The following MAPDA variants were observed in gnomAD, a reference collection of about 807,000 sequenced individuals.
The protein encoded by MAPDA is N6,N6-dimethyl-AMP deaminase.
the MAPDA span, among the ~76,000 whole-genome samples, chr15:43,350,373 C>T: frequency 1.4e-3 from 219 of 151,994 alleles, 6 homozygotes; most frequent in East Asian, 0.034. Context: ...TCACCATGCC[C>T]GGCCAATAGT....
the MAPDA span, chr15:43,330,728 A>G: frequency 6.8e-6 from 3 of 442,506 alleles, no homozygotes; most frequent in East Asian, 7.1e-5. Flanking sequence ...CGTGAGTTCC[A>G]TTTGTCCCAG....
chr15:43,336,687 G>C, the MAPDA span: 1 of 1,540,300 alleles, frequency 6.5e-7, no homozygotes, highest in Non-Finnish European at 8.7e-7. Context: ...TATTCTAATG[G>C]TAAGACATGA....
At chr15:43,348,209 A>T in the MAPDA span, among the ~76,000 whole-genome samples, 1 of 152,240 alleles carries the variant, frequency 6.6e-6, no homozygotes, top group African/African-American at 2.4e-5. Flanking sequence ...TGTGGTATGT[A>T]CATAGCCAGC....
At chr15:43,338,634 G>A in the MAPDA span, among the ~76,000 whole-genome samples, 1 of 152,166 alleles carries the variant, frequency 6.6e-6, no homozygotes, top group African/African-American at 2.4e-5. Context: ...TACTTTGTCT[G>A]GAAAAAGAAT....
the MAPDA span, among the ~76,000 whole-genome samples, chr15:43,343,548 T>C: frequency 7.9e-5 from 12 of 152,338 alleles, no homozygotes; most frequent in African/African-American, 2.9e-4. Flanking sequence ...CAGATCTCAA[T>C]TGGCTGTTAC....
the MAPDA span, chr15:43,330,370 C>A: frequency 6.2e-7 from 1 of 1,604,598 alleles, no homozygotes; most frequent in Non-Finnish European, 8.5e-7. Flanking sequence ...CCGGAACCAG[C>A]AACGCGGCAA....
At chr15:43,343,538 C>G in the MAPDA span, among the ~76,000 whole-genome samples, 5 of 152,172 alleles carry the variant, frequency 3.3e-5, no homozygotes, top group African/African-American at 1.2e-4. Context: ...TCTCATTATT[C>G]AGATCTCAAT....
chr15:43,334,896 C>A, the MAPDA span: 2 of 457,026 alleles, frequency 4.4e-6, no homozygotes, highest in Non-Finnish European at 7.7e-6. Flanking sequence ...TTAACAAAAT[C>A]CTGTTTCTTT....
the MAPDA span, chr15:43,349,291 C>G: frequency 8.3e-7 from 1 of 1,211,926 alleles, no homozygotes; most frequent in South Asian, 3.8e-5. Context: ...ATGCTTGGAA[C>G]TCAATAAGAA....
the MAPDA span, chr15:43,345,839 T>C: frequency 6.2e-7 from 1 of 1,613,924 alleles, no homozygotes; most frequent in Non-Finnish European, 8.5e-7. Context: ...CAACTCTGTC[T>C]TTCTTACATT....
the MAPDA span, chr15:43,335,288 G>A: frequency 4.6e-5 from 47 of 1,013,848 alleles, no homozygotes; most frequent in Non-Finnish European, 6.3e-5. Context: ...AAATTCTGGC[G>A]CTTTGGGAGG....
the MAPDA span, among the ~76,000 whole-genome samples, chr15:43,350,515 A>G: frequency 6.6e-6 from 1 of 152,020 alleles, no homozygotes; most frequent in Non-Finnish European, 1.5e-5. Context: ...GCTCTTTATA[A>G]TGCTCTCACA....
chr15:43,340,456 G>C, the MAPDA span: 50 of 880,518 alleles, frequency 5.7e-5, 2 homozygotes, highest in African/African-American at 8.5e-4. Flanking sequence ...TTATACTATT[G>C]TGTTGTTCTG....
chr15:43,351,831 T>G, the MAPDA span: 2 of 1,551,720 alleles, frequency 1.3e-6, no homozygotes, highest in South Asian at 2.4e-5. Context: ...TGACCCAGTC[T>G]CAGGTGTGGG....
the MAPDA span, among the ~76,000 whole-genome samples, chr15:43,342,530 C>CT: frequency 6.6e-6 from 1 of 151,336 alleles, no homozygotes; most frequent in East Asian, 1.9e-4. Flanking sequence ...GGGCGTGTCA[C>CT]TTTCAGCCCA....
chr15:43,340,192 G>A, the MAPDA span: 1 of 1,286,792 alleles, frequency 7.8e-7, no homozygotes, highest in Non-Finnish European at 1.1e-6. Context: ...AAATAAAGCT[G>A]TAGCACTTGG....
chr15:43,343,363 G>C, the MAPDA span, among the ~76,000 whole-genome samples: 1 of 152,160 alleles, frequency 6.6e-6, no homozygotes, highest in African/African-American at 2.4e-5. Flanking sequence ...TGATCTGGCT[G>C]CCTCTGTTAC....
At chr15:43,348,949 C>G in the MAPDA span, 1 of 1,614,156 alleles carries the variant, frequency 6.2e-7, no homozygotes, top group Non-Finnish European at 8.5e-7. Flanking sequence ...CCTGGATCTG[C>G]TTCCTGACAG....
the MAPDA span, among the ~76,000 whole-genome samples, chr15:43,348,442 T>A: frequency 2.4e-4 from 36 of 152,344 alleles, no homozygotes; most frequent in Non-Finnish European, 3.8e-4. Context: ...AAAGCCCAAT[T>A]TCTATTTGTT....
Sources: allele counts gnomAD v4.1 joint callset (sites outside exome capture counted in the v4.1 genomes callset), GRCh38; gene constraint gnomAD v4.1.1; transcripts MANE v1.5; gene names NCBI Gene and HGNC (gene_info 2026-07-23, HGNC 2026-07-21).